RPSA2: variants seen among roughly 807,000 people sequenced by gnomAD.
RPSA2 encodes small ribosomal subunit protein uS2B.
chr19:23,866,416 C>G, the RPSA2 span, among the ~76,000 whole-genome samples: 3 of 151,996 alleles, frequency 2.0e-5, no homozygotes, highest in Non-Finnish European at 4.4e-5. Flanking sequence ...AGGATCAAAC[C>G]CTAAAGTGGG....
chr19:23,868,566 C>T, the RPSA2 span, among the ~76,000 whole-genome samples: 45 of 152,244 alleles, frequency 3.0e-4, no homozygotes, highest in African/African-American at 1.0e-3. Context: ...CTAAGTTTAT[C>T]TTTATTTACT....
the RPSA2 span, among the ~76,000 whole-genome samples, chr19:23,806,899 T>G: frequency 6.6e-6 from 1 of 152,130 alleles, no homozygotes; most frequent in Admixed American, 6.5e-5. Context: ...TATCTCTATC[T>G]TGGACTTTCC....
chr19:23,818,918 A>G, the RPSA2 span: 1 of 152,480 alleles, frequency 6.6e-6, no homozygotes, highest in Admixed American at 6.5e-5. Context: ...CATACCTATA[A>G]TAAGTGGTAG....
At chr19:23,802,195 G>C in the RPSA2 span, among the ~76,000 whole-genome samples, 1 of 152,164 alleles carries the variant, frequency 6.6e-6, no homozygotes, top group Non-Finnish European at 1.5e-5. Flanking sequence ...GAGGCTACAG[G>C]TTTAAATAGA....
At chr19:23,828,647 A>G in the RPSA2 span, among the ~76,000 whole-genome samples, 3 of 148,794 alleles carry the variant, frequency 2.0e-5, no homozygotes, top group Non-Finnish European at 4.5e-5. Flanking sequence ...AAAAAATTTG[A>G]TAAGACTTCC....
the RPSA2 span, among the ~76,000 whole-genome samples, chr19:23,870,542 T>C: frequency 6.6e-6 from 1 of 152,086 alleles, no homozygotes; most frequent in Non-Finnish European, 1.5e-5. Flanking sequence ...AAGTTCTTGA[T>C]TTAAATAAGC....
chr19:23,853,390 A>AG, the RPSA2 span, among the ~76,000 whole-genome samples: 1 of 152,260 alleles, frequency 6.6e-6, no homozygotes, highest in African/African-American at 2.4e-5. Context: ...TGAGAATTCC[A>AG]GGGGGGAAAG....
the RPSA2 span, among the ~76,000 whole-genome samples, chr19:23,862,907 T>G: frequency 0.31 from 46,945 of 150,528 alleles, 7,552 homozygotes; most frequent in Non-Finnish European, 0.37. Context: ...TTTTTTTTTT[T>G]TTTGTTTGTT....
the RPSA2 span, among the ~76,000 whole-genome samples, chr19:23,789,719 T>A: frequency 6.6e-6 from 1 of 151,850 alleles, no homozygotes; most frequent in Non-Finnish European, 1.5e-5. Context: ...TTACTTTTTT[T>A]TTTTTTTGGA....
chr19:23,761,929 T>TCC, the RPSA2 span, among the ~76,000 whole-genome samples: 20 of 80,576 alleles, frequency 2.5e-4, no homozygotes, highest in African/African-American at 5.7e-4. Context: ...TCTTTTTTTT[T>TCC]TTTTTTGAGA....
At chr19:23,844,338 T>C in the RPSA2 span, among the ~76,000 whole-genome samples, 1 of 152,226 alleles carries the variant, frequency 6.6e-6, no homozygotes, top group Non-Finnish European at 1.5e-5. Context: ...GTGAGCATGC[T>C]GTGATAAACA....
At chr19:23,830,050 G>GT in the RPSA2 span, among the ~76,000 whole-genome samples, 3 of 14,938 alleles carry the variant, frequency 2.0e-4, no homozygotes, top group Non-Finnish European at 3.7e-4. Flanking sequence ...TACTTTGGAA[G>GT]GTTTTTTTTT....
the RPSA2 span, among the ~76,000 whole-genome samples, chr19:23,861,513 A>G: frequency 6.6e-6 from 1 of 152,156 alleles, no homozygotes; most frequent in African/African-American, 2.4e-5. Context: ...TCCAATGAGA[A>G]CATGTTAAAA....
the RPSA2 span, among the ~76,000 whole-genome samples, chr19:23,854,907 T>C: frequency 1.1e-4 from 16 of 152,304 alleles, no homozygotes; most frequent in African/African-American, 3.8e-4. Context: ...ATGGAACGAA[T>C]GGCCATTTTA....
chr19:23,866,599 A>G, the RPSA2 span, among the ~76,000 whole-genome samples: 1 of 151,098 alleles, frequency 6.6e-6, no homozygotes, highest in South Asian at 2.1e-4. Context: ...GCCACTCAAA[A>G]TTTCATCACA....
At chr19:23,853,568 C>T in the RPSA2 span, among the ~76,000 whole-genome samples, 2 of 152,220 alleles carry the variant, frequency 1.3e-5, no homozygotes, top group African/African-American at 4.8e-5. Flanking sequence ...ATAACGTAAA[C>T]CATCCCTGTC....
At chr19:23,804,674 C>T in the RPSA2 span, among the ~76,000 whole-genome samples, 1 of 152,282 alleles carries the variant, frequency 6.6e-6, no homozygotes, top group Admixed American at 6.5e-5. Context: ...TTCTTTAAAA[C>T]ACCCATTTAT....
At chr19:23,868,370 C>T in the RPSA2 span, among the ~76,000 whole-genome samples, 2 of 152,150 alleles carry the variant, frequency 1.3e-5, no homozygotes, top group African/African-American at 2.4e-5. Context: ...GATTTCTAAA[C>T]AATTAAAAAC....
the RPSA2 span, chr19:23,832,761 C>T: frequency 6.4e-7 from 1 of 1,568,614 alleles, no homozygotes; most frequent in Non-Finnish European, 8.7e-7. Context: ...AGTCATCAAT[C>T]CTTACTCGAC....
Sources: gnomAD v4.1 joint callset for allele counts (sites outside exome capture counted in the v4.1 genomes callset) on GRCh38, gnomAD v4.1.1 for gene constraint, MANE v1.5 for transcripts, NCBI Gene and HGNC (gene_info 2026-07-23, HGNC 2026-07-21) for gene names.